Variants in HLCS observed in about 807,000 individuals in gnomAD.
HLCS encodes holocarboxylase synthetase, also known as biotin--protein ligase.
Under a neutral mutation model 75.0 loss-of-function variants are expected in HLCS, and 53 were observed. That is an observed-to-expected ratio of 0.71 (90% confidence interval 0.57 to 0.89). HLCS has a LOEUF of 0.89. HLCS is among the 40% of genes least tolerant of loss of function. The pLI is 0.00. For synonymous variants in HLCS, 431 were observed against 428.6 expected (o/e 1.01, Z -0.07); for missense variants, 966 against 1,074.0 (o/e 0.90, Z 1.41).
chr21:36,945,968 C>T (rs923230576), intron 2 of HLCS: 5 of 232,142 alleles, frequency 2.2e-5, no homozygotes, highest in Non-Finnish European at 3.5e-5. Flanking sequence ...ATTCCCCATG[C>T]TTCAATGTCC....
chr21:36,787,141 G>A (rs1317349763), intron 6 of HLCS, among the ~76,000 whole-genome samples: 2 of 152,210 alleles, frequency 1.3e-5, no homozygotes, highest in Non-Finnish European at 2.9e-5. Context: ...GACTTCCTAG[G>A]TTTTCACCAG....
chr21:36,923,901 A>C (rs182620477), intron 5 of HLCS, among the ~76,000 whole-genome samples: 9 of 152,332 alleles, frequency 5.9e-5, no homozygotes, highest in Admixed American at 2.0e-4. Context: ...AAACGAGAGA[A>C]AGAGGTATAT....
chr21:36,927,529 TA>T (rs2066461135), intron 5 of HLCS, among the ~76,000 whole-genome samples: 1 of 152,246 alleles, frequency 6.6e-6, no homozygotes. Context: ...TGGTACGCAG[TA>T]AAACTATTTA....
At chr21:36,969,392 G>A (rs915302125), upstream of HLCS, among the ~76,000 whole-genome samples, 7 of 152,064 alleles carry the variant, frequency 4.6e-5, no homozygotes, top group African/African-American at 9.7e-5. Flanking sequence ...CAAGAAAAGC[G>A]GAATCCTAGG....
At chr21:36,918,316 T>A (rs777484062) in intron 5 of HLCS, among the ~76,000 whole-genome samples, 2 of 152,222 alleles carry the variant, frequency 1.3e-5, no homozygotes, top group Non-Finnish European at 2.9e-5. Flanking sequence ...GCCTGATTTC[T>A]AGTGCCACAG....
intron 2 of HLCS, among the ~76,000 whole-genome samples, chr21:36,942,818 T>TG: frequency 6.6e-6 from 1 of 151,898 alleles, no homozygotes; most frequent in Non-Finnish European, 1.5e-5. Flanking sequence ...TAGTCCCAGC[T>TG]ACTAGGGAGG....
chr21:36,844,582 G>T (rs939136263), intron 6 of HLCS, among the ~76,000 whole-genome samples: 38 of 152,148 alleles, frequency 2.5e-4, no homozygotes, highest in African/African-American at 8.9e-4. Flanking sequence ...AAGAACAAAA[G>T]CTTTCACTAT....
intron 6 of HLCS, among the ~76,000 whole-genome samples, chr21:36,783,258 C>T (rs1426629847): frequency 2.0e-5 from 3 of 152,044 alleles, no homozygotes; most frequent in Admixed American, 6.5e-5. Context: ...CCCCAGATAC[C>T]CTCTGAATCC....
intron 6 of HLCS, among the ~76,000 whole-genome samples, chr21:36,839,945 C>T (rs1171833433): frequency 6.6e-6 from 1 of 152,182 alleles, no homozygotes; most frequent in Non-Finnish European, 1.5e-5. Flanking sequence ...TTATAAATGG[C>T]CTACTTGTAA....
chr21:36,930,433 C>A lies in HLCS; in HGVS notation c.1438G>T (p.Val480Leu), dbSNP rs780790877. ...TRGGEAVLCQ[V>L]HLELPPSSNI... ...GAGCTGGGAGGTAGTTCTAAGTGCA[C>A]CTGAAGGGGAAAGATAGCACTATGT... The change falls in exon 5 of 11, where the codon GTG becomes TTG. Residue 480 changes from valine to leucine, a missense_variant and splice_region_variant. By Grantham distance (32) the Val-to-Leu change is conservative. Coordinates refer to ENST00000674895, the MANE Select transcript of HLCS (RefSeq NM_001352514.2). 113 of 1,613,098 alleles carry A rather than the reference C, an allele frequency of 7.0e-5. No individual in the cohort carries two copies. Among genetic ancestry groups the A allele is most frequent in the Non-Finnish European group, 8.5e-5 (100 of 1,179,300 alleles).
At chr21:36,910,410 G>A (rs1393541902) in intron 5 of HLCS, among the ~76,000 whole-genome samples, 1 of 152,088 alleles carries the variant, frequency 6.6e-6, no homozygotes, top group Non-Finnish European at 1.5e-5. Context: ...GCCAGGCGTG[G>A]TGATGGACAC....
chr21:36,929,438 A>C (rs1401929528), intron 5 of HLCS, among the ~76,000 whole-genome samples: 1 of 152,212 alleles, frequency 6.6e-6, no homozygotes, highest in Non-Finnish European at 1.5e-5. Flanking sequence ...TCCTCCAAAA[A>C]CTAAGGGACA....
intron 6 of HLCS, among the ~76,000 whole-genome samples, chr21:36,823,279 G>A (rs1386416204): frequency 6.6e-6 from 1 of 152,204 alleles, no homozygotes; most frequent in Non-Finnish European, 1.5e-5. Flanking sequence ...GATAGTCTAA[G>A]AGGTGACAGT....
intron 5 of HLCS, among the ~76,000 whole-genome samples, chr21:36,915,262 T>C (rs1262953279): frequency 6.6e-6 from 1 of 152,240 alleles, no homozygotes; most frequent in Non-Finnish European, 1.5e-5. Context: ...AGAACATCTC[T>C]CTCTGGTAAA....
intron 6 of HLCS, among the ~76,000 whole-genome samples, chr21:36,868,051 T>G (rs1258186234): frequency 6.6e-6 from 1 of 151,908 alleles, no homozygotes; most frequent in Non-Finnish European, 1.5e-5. Flanking sequence ...ACTTGGAGGC[T>G]GAGGCAGGAG....
At chr21:36,761,346 C>T (rs1434282752) in intron 8 of HLCS, among the ~76,000 whole-genome samples, 1 of 152,166 alleles carries the variant, frequency 6.6e-6, no homozygotes, top group Non-Finnish European at 1.5e-5. Flanking sequence ...CTTTTGACTT[C>T]GGCCCGTTAG....
intron 8 of HLCS, among the ~76,000 whole-genome samples, chr21:36,761,996 G>A (rs1390764432): frequency 6.6e-6 from 1 of 152,190 alleles, no homozygotes; most frequent in African/African-American, 2.4e-5. Context: ...TGAAACTCTG[G>A]GTTCTCACGC....
At chr21:36,845,646 G>T (rs1433846851) in intron 6 of HLCS, among the ~76,000 whole-genome samples, 1 of 152,164 alleles carries the variant, frequency 6.6e-6, no homozygotes, top group Admixed American at 6.6e-5. Context: ...GCCCCCAGTG[G>T]TGGAGCGGGA....
At chr21:36,823,615 G>A (rs1199985539) in intron 6 of HLCS, among the ~76,000 whole-genome samples, 2 of 144,288 alleles carry the variant, frequency 1.4e-5, no homozygotes, top group Admixed American at 1.4e-4. Context: ...TGCAGGGTGT[G>A]TGTGTGTGTG....
Sources: gnomAD v4.1 joint callset for allele counts (sites outside exome capture counted in the v4.1 genomes callset) on GRCh38, gnomAD v4.1.1 for gene constraint, MANE v1.5 for transcripts, NCBI Gene and HGNC (gene_info 2026-07-23, HGNC 2026-07-21) for gene names.